PDE8B: variants seen among roughly 807,000 people sequenced by gnomAD.
The protein encoded by PDE8B is high affinity cAMP-specific and IBMX-insensitive 3',5'-cyclic phosphodiesterase 8B.
PDE8B carries 26 observed loss-of-function variants against 101.3 expected under a neutral mutation model. That is an observed-to-expected ratio of 0.26 (90% CI 0.19 to 0.36). The LOEUF (loss-of-function observed/expected upper bound fraction) is 0.36, where lower values mean the gene tolerates loss of function less well. PDE8B is among the 10% of genes least tolerant of loss of function. The probability of loss-of-function intolerance (pLI) is 1.00; values close to 1 mark genes in which losing one functional copy is unlikely to be tolerated. For missense variants in PDE8B, 810 were observed against 1,163.1 expected (o/e 0.70, Z 4.42); for synonymous variants, 424 against 429.3 (o/e 0.99, Z 0.15).
intron 1 of PDE8B, among the ~76,000 whole-genome samples, chr5:77,299,338 C>T (rs569714780): frequency 1.1e-4 from 17 of 150,602 alleles, no homozygotes; most frequent in African/African-American, 3.4e-4. Context: ...TTGTTACATA[C>T]GTATACATGT....
the PDE8B span, among the ~76,000 whole-genome samples, chr5:77,181,586 C>T: frequency 2.0e-5 from 3 of 152,172 alleles, no homozygotes; most frequent in Non-Finnish European, 4.4e-5. Context: ...CCAGTTTACC[C>T]GTCCCCAGGT....
chr5:77,153,947 C>CTA, the PDE8B span, among the ~76,000 whole-genome samples: 1 of 152,158 alleles, frequency 6.6e-6, no homozygotes, highest in Admixed American at 6.5e-5. Flanking sequence ...AATCCTTTTG[C>CTA]TATTGTTTGG....
chr5:77,351,706 C>A (rs1310662838), intron 9 of PDE8B, among the ~76,000 whole-genome samples: 1 of 152,164 alleles, frequency 6.6e-6, no homozygotes, highest in Non-Finnish European at 1.5e-5. Flanking sequence ...ATTCCTCTTC[C>A]TTCCTCCAGT....
intron 17 of PDE8B, among the ~76,000 whole-genome samples, chr5:77,413,886 G>A (rs1008918977): frequency 2.0e-5 from 3 of 152,082 alleles, no homozygotes; most frequent in African/African-American, 7.2e-5. Context: ...GGCAGCCCTA[G>A]GAACCCCTTG....
chr5:77,404,798 G>A lies in PDE8B; in HGVS notation c.1288+1G>A, dbSNP rs1561661364. The A allele has an allele frequency of 1.3e-6, 2 of 1,577,064 alleles. No homozygotes were observed. Among genetic ancestry groups the A allele is most frequent in the East Asian group, 2.2e-5 (1 of 44,614 alleles). Reference sequence around the variant, plus strand: ...TCGATATCATCTCGAGGCAGTGATGGTAAGATGTTTTTCAGATTCCTCTGA... The same window carrying A: ...TCGATATCATCTCGAGGCAGTGATGATAAGATGTTTTTCAGATTCCTCTGA... On this transcript the variant is annotated splice_donor_variant, in intron 12 of 21. Transcript: ENST00000264917. LOFTEE classifies it high-confidence loss of function.
At chr5:77,161,405 A>G in the PDE8B span, among the ~76,000 whole-genome samples, 1,176 of 151,994 alleles carry the variant, frequency 7.7e-3, 21 homozygotes, top group African/African-American at 0.025. Context: ...TATCATTTTG[A>G]TTATACATTT....
chr5:77,328,905 T>TC, intron 3 of PDE8B, 93 bp from the exon 4 acceptor site: 1 of 927,020 alleles, frequency 1.1e-6, no homozygotes, highest in South Asian at 1.3e-5. Flanking sequence ...AAAGATTTGA[T>TC]GTTGTATCAT....
At chr5:77,235,273 A>T (rs780223435) in intron 1 of PDE8B, among the ~76,000 whole-genome samples, 1 of 152,232 alleles carries the variant, frequency 6.6e-6, no homozygotes, top group Non-Finnish European at 1.5e-5. Context: ...GGGAGCATAG[A>T]CTAACTAATT....
chr5:77,385,032 A>G (rs1788256491), intron 10 of PDE8B, among the ~76,000 whole-genome samples: 1 of 152,202 alleles, frequency 6.6e-6, no homozygotes, highest in Admixed American at 6.5e-5. Flanking sequence ...TGTTTGGAAT[A>G]GTTTTAGAAT....
At chr5:77,116,224 A>ATATATATTTTTTT in the PDE8B span, among the ~76,000 whole-genome samples, 1 of 59,610 alleles carries the variant, frequency 1.7e-5, no homozygotes, top group African/African-American at 7.2e-5. Flanking sequence ...ATATATATAT[A>ATATATATTTTTTT]TTTTTTTTTT....
At chr5:77,382,773 T>C (rs1361734645) in intron 10 of PDE8B, among the ~76,000 whole-genome samples, 2 of 152,190 alleles carry the variant, frequency 1.3e-5, no homozygotes, top group African/African-American at 4.8e-5. Context: ...CTCATCCTTT[T>C]TTTATGGCTG....
chr5:77,110,492 G>A, the PDE8B span, among the ~76,000 whole-genome samples: 3 of 152,148 alleles, frequency 2.0e-5, no homozygotes, highest in African/African-American at 4.8e-5. Context: ...TGGAGGTTTG[G>A]CACCTGAAGC....
rs572264419 is a variant in PDE8B, at chr5:77,211,340, G to C, written c.339+76G>C. On this transcript the variant is annotated intron_variant, in intron 1 of 21. Coordinates refer to ENST00000264917, the MANE Select transcript of PDE8B (RefSeq NM_003719.5). This position sits in a 1 kb window ranked among gnomAD's most constrained non-coding sequence, Gnocchi z 4.1. Reference sequence around the variant, plus strand: ...GGGGCTCGCACGGGTAGGGGGCTCCGGCGGAGTTGGGTGACCGTGAGGCGG... The same window carrying C: ...GGGGCTCGCACGGGTAGGGGGCTCCCGCGGAGTTGGGTGACCGTGAGGCGG... 1,673 of 1,368,974 alleles carry C rather than the reference G, an allele frequency of 1.2e-3. 21 individuals carry two copies. The African/African-American group carries it at 0.022, about 18-fold the overall frequency. The allele number at this position is 1,368,974 out of a possible 1,614,324, so 84.8% of individuals were successfully genotyped here.
intron 10 of PDE8B, among the ~76,000 whole-genome samples, chr5:77,365,424 C>T (rs1340859551): frequency 1.3e-5 from 2 of 152,118 alleles, no homozygotes; most frequent in East Asian, 3.9e-4. Flanking sequence ...ACCAAAAACT[C>T]CTGTTAGGGC....
At chr5:77,228,290 C>T (rs2149472405) in intron 1 of PDE8B, among the ~76,000 whole-genome samples, 1 of 152,206 alleles carries the variant, frequency 6.6e-6, no homozygotes, top group South Asian at 2.1e-4. Flanking sequence ...AGATGGTAGT[C>T]ATATTATGGA....
chr5:77,318,151 T>G (rs1319714127), intron 2 of PDE8B, among the ~76,000 whole-genome samples: 1 of 152,000 alleles, frequency 6.6e-6, no homozygotes, highest in Non-Finnish European at 1.5e-5. Context: ...CATTATATTT[T>G]GGGGATTTTA....
chr5:77,151,099 G>T, the PDE8B span: 1 of 152,392 alleles, frequency 6.6e-6, no homozygotes, highest in Non-Finnish European at 1.5e-5. Flanking sequence ...AACACTTCAT[G>T]TCCTAGCCTC....
At chr5:77,340,443 A>G (rs148770863) in intron 6 of PDE8B, among the ~76,000 whole-genome samples, 1 of 152,268 alleles carries the variant, frequency 6.6e-6, no homozygotes, top group African/African-American at 2.4e-5. Context: ...CCCAGTAATG[A>G]GTGCCAACAA....
chr5:77,358,374 A>G (rs1198384330), intron 10 of PDE8B: 2 of 896,518 alleles, frequency 2.2e-6, no homozygotes, highest in African/African-American at 3.6e-5. Flanking sequence ...CTTCCAGCCC[A>G]TGTCTCTACC....
Sources: allele counts gnomAD v4.1 joint callset (sites outside exome capture counted in the v4.1 genomes callset), GRCh38; gene constraint gnomAD v4.1.1; non-coding constraint Gnocchi (gnomAD v3.1); transcripts MANE v1.5; gene names NCBI Gene and HGNC (gene_info 2026-07-23, HGNC 2026-07-21).